NEBL: variants seen among roughly 807,000 people sequenced by gnomAD.
NEBL encodes nebulette, also known as LIM and SH3 protein 2.
Under a neutral mutation model 140.2 loss-of-function variants are expected in NEBL, and 122 were observed. The observed-to-expected ratio is 0.87, with a 90% confidence interval of 0.75 to 1.01. The LOEUF is 1.01. NEBL is among the 50% of genes least tolerant of loss of function. The probability of loss-of-function intolerance (pLI) is 0.00; values close to 1 mark genes in which losing one functional copy is unlikely to be tolerated. For synonymous variants in NEBL, 436 were observed against 398.9 expected (o/e 1.09, Z -1.11); for missense variants, 1,365 against 1,231.3 (o/e 1.11, Z -1.62).
chr10:21,138,221 C>G (rs1427867475), intron 2 of NEBL, among the ~76,000 whole-genome samples: 2 of 152,146 alleles, frequency 1.3e-5, no homozygotes, highest in Non-Finnish European at 2.9e-5. Context: ...ACCGTAAACA[C>G]TGCAAAATGT....
chr10:20,784,667 C>T lies in NEBL; in HGVS notation c.*1080G>A, dbSNP rs1247641258. The T allele has an allele frequency of 3.3e-5, 5 of 152,178 alleles. No homozygotes were observed. Among genetic ancestry groups the T allele is most frequent in the Admixed American group, 6.5e-5 (1 of 15,270 alleles). 9.4% of individuals were successfully genotyped at this position (152,178 alleles called of 1,614,324 possible). A position where few individuals can be genotyped will look rare whatever the true frequency, so the allele number is the denominator to read the frequency against. On this transcript the variant is annotated 3_prime_UTR_variant, in exon 28 of 28. Transcript: ENST00000377122. ...TCCAGTCACACTCCAGCTTCCATTGCTTCACTGGCTTCTGTTACATTTTCT... is the reference window on the plus strand; with the variant it reads ...TCCAGTCACACTCCAGCTTCCATTGTTTCACTGGCTTCTGTTACATTTTCT...
intron 19 of NEBL, among the ~76,000 whole-genome samples, chr10:20,822,005 G>T (rs1427064154): frequency 6.6e-6 from 1 of 152,082 alleles, no homozygotes; most frequent in Non-Finnish European, 1.5e-5. Flanking sequence ...CTTTGTCTCT[G>T]CCACTGCATA....
At chr10:20,947,192 C>T (rs1589057382) in intron 4 of NEBL, among the ~76,000 whole-genome samples, 1 of 152,090 alleles carries the variant, frequency 6.6e-6, no homozygotes, top group African/African-American at 2.4e-5. Context: ...AGTCATATGT[C>T]GAAAACAAAA....
chr10:21,233,480 T>G (rs1842292704), intron 3 of NEBL, among the ~76,000 whole-genome samples: 1 of 151,702 alleles, frequency 6.6e-6, no homozygotes, highest in Non-Finnish European at 1.5e-5. Context: ...CCAGCAGAGA[T>G]ATAGATAAAT....
chr10:20,910,070 C>T (rs1427687148), intron 4 of NEBL, among the ~76,000 whole-genome samples: 1 of 152,012 alleles, frequency 6.6e-6, no homozygotes, highest in South Asian at 2.1e-4. Context: ...TAGGACTCTA[C>T]TTTAAAAAGT....
At chr10:20,880,355 G>C (rs1845906614) in intron 5 of NEBL, among the ~76,000 whole-genome samples, 1 of 152,138 alleles carries the variant, frequency 6.6e-6, no homozygotes, top group Non-Finnish European at 1.5e-5. Context: ...GCGAGGCTCT[G>C]TGTCAAAAAG....
chr10:20,944,578 G>A (rs1369680107), intron 4 of NEBL, among the ~76,000 whole-genome samples: 1 of 152,116 alleles, frequency 6.6e-6, no homozygotes, highest in Non-Finnish European at 1.5e-5. Flanking sequence ...CAAGGCTAAA[G>A]GCATACATAT....
intron 3 of NEBL, among the ~76,000 whole-genome samples, chr10:20,982,187 T>C (rs981106662): frequency 2.0e-5 from 3 of 152,170 alleles, no homozygotes; most frequent in Admixed American, 1.3e-4. Flanking sequence ...GCATATGGTT[T>C]AGGAATGCAT....
At chr10:20,882,775 G>A (rs894762174) in intron 4 of NEBL, among the ~76,000 whole-genome samples, 1 of 151,786 alleles carries the variant, frequency 6.6e-6, no homozygotes, top group Admixed American at 6.6e-5. Context: ...AACTAACAAT[G>A]TTTAATGCCC....
At chr10:21,064,015 T>G (rs925772358) in intron 2 of NEBL, among the ~76,000 whole-genome samples, 54 of 152,190 alleles carry the variant, frequency 3.5e-4, no homozygotes, top group African/African-American at 1.2e-3. Flanking sequence ...GAGGTTGCAA[T>G]GAACTGAGAT....
At chr10:20,815,508 G>T in intron 22 of NEBL, 117 bp downstream of exon 22, 1 of 813,668 alleles carries the variant, frequency 1.2e-6, no homozygotes, top group Non-Finnish European at 2.1e-6. Context: ...GTACTTATTG[G>T]ACACATCACA....
intron 4 of NEBL, among the ~76,000 whole-genome samples, chr10:20,952,919 AAAAAAAGAAAAAG>A (rs1673101369): frequency 1.3e-5 from 2 of 150,738 alleles, no homozygotes; most frequent in African/African-American, 4.9e-5. Context: ...AAAAAAAAAA[AAAAAAAGAAAAAG>A]AAAAAAGAAA....
intron 2 of NEBL, among the ~76,000 whole-genome samples, chr10:21,095,548 A>T (rs1253102062): frequency 6.6e-6 from 1 of 152,230 alleles, no homozygotes; most frequent in African/African-American, 2.4e-5. Context: ...AAGCTTAAGG[A>T]TTTTGAAGCT....
chr10:21,120,374 C>CAAAAAAAAAAAA (rs1157067083), intron 2 of NEBL, among the ~76,000 whole-genome samples: 3 of 48,400 alleles, frequency 6.2e-5, no homozygotes, highest in African/African-American at 2.8e-4. Context: ...GACTGTGTCT[C>CAAAAAAAAAAAA]AAAAAAAAAA....
intron 2 of NEBL, among the ~76,000 whole-genome samples, chr10:21,055,263 T>C (rs764989438): frequency 3.3e-5 from 5 of 152,134 alleles, no homozygotes; most frequent in Non-Finnish European, 7.3e-5. Context: ...TCAGAGAAAA[T>C]ATTTACAGTT....
intron 3 of NEBL, among the ~76,000 whole-genome samples, chr10:21,225,365 G>C (rs1029364249): frequency 3.9e-5 from 6 of 152,102 alleles, no homozygotes; most frequent in African/African-American, 1.4e-4. Flanking sequence ...TTTCACTCAA[G>C]GTCCACAGTA....
intron 2 of NEBL, among the ~76,000 whole-genome samples, chr10:21,094,460 C>T (rs1323295553): frequency 7.6e-6 from 1 of 131,268 alleles, no homozygotes; most frequent in Admixed American, 8.7e-5. Context: ...CGAGATTGTG[C>T]CACTGCACTC....
chr10:20,883,325 A>G (rs1287163227), intron 4 of NEBL, among the ~76,000 whole-genome samples: 1 of 152,196 alleles, frequency 6.6e-6, no homozygotes, highest in Non-Finnish European at 1.5e-5. Flanking sequence ...CCAAATCAGA[A>G]GCAGCACCTC....
At chr10:20,797,594 G>T (rs1836678205) in intron 26 of NEBL, among the ~76,000 whole-genome samples, 1 of 152,140 alleles carries the variant, frequency 6.6e-6, no homozygotes. Flanking sequence ...AAATGTGAAT[G>T]ATTGTCTGCG....
Sources: gnomAD v4.1 joint callset for allele counts (sites outside exome capture counted in the v4.1 genomes callset) on GRCh38, gnomAD v4.1.1 for gene constraint, MANE v1.5 for transcripts, NCBI Gene and HGNC (gene_info 2026-07-23, HGNC 2026-07-21) for gene names.